Variants in AGBL1 observed in about 807,000 individuals in gnomAD.
AGBL1 encodes the protein cytosolic carboxypeptidase 4.
In AGBL1, 130 loss-of-function variants were observed where a neutral mutation model predicts 118.9. The ratio of observed to expected loss-of-function variants is 1.09; its 90% CI spans 0.95 to 1.26. The LOEUF (loss-of-function observed/expected upper bound fraction) is 1.26, where lower values mean the gene tolerates loss of function less well. Among genes scored for constraint, AGBL1 ranks in the 50% most tolerant of loss-of-function variants. AGBL1 has a pLI of 0.00. For missense variants in AGBL1, 1,584 were observed against 1,298.1 expected (o/e 1.22, Z -3.38); for synonymous variants, 555 against 478.9 (o/e 1.16, Z -2.08).
At chr15:86,975,682 T>A (rs1338910853) in intron 23 of AGBL1, among the ~76,000 whole-genome samples, 3 of 152,142 alleles carry the variant, frequency 2.0e-5, no homozygotes, top group Non-Finnish European at 4.4e-5. Flanking sequence ...CAAATGATGT[T>A]CCTTCTGTCT....
At chr15:86,451,424 T>C (rs1596131373) in intron 18 of AGBL1, among the ~76,000 whole-genome samples, 2 of 152,326 alleles carry the variant, frequency 1.3e-5, no homozygotes, top group East Asian at 3.9e-4. Context: ...ACTGAAATTG[T>C]GTTATAATTC....
At chr15:86,714,404 A>G (rs1481984815) in intron 22 of AGBL1, among the ~76,000 whole-genome samples, 1 of 152,212 alleles carries the variant, frequency 6.6e-6, no homozygotes, top group East Asian at 1.9e-4. Context: ...ATAAACTATC[A>G]GTGGGAAATT....
At chr15:86,801,310 C>CATCTATCTATCT (rs10629012) in intron 22 of AGBL1, among the ~76,000 whole-genome samples, 4,667 of 147,232 alleles carry the variant, frequency 0.032, 94 homozygotes, top group East Asian at 0.037. Flanking sequence ...TTGATGATTA[C>CATCTATCTATCT]ATCTATCTAT....
chr15:86,734,728 G>A (rs1394998709), intron 22 of AGBL1, among the ~76,000 whole-genome samples: 1 of 152,190 alleles, frequency 6.6e-6, no homozygotes, highest in Non-Finnish European at 1.5e-5. Flanking sequence ...CTCTTTCCAT[G>A]ATGAGGCCAG....
intron 1 of AGBL1, among the ~76,000 whole-genome samples, chr15:86,136,863 C>G (rs994292717): frequency 6.6e-6 from 1 of 152,150 alleles, no homozygotes; most frequent in Non-Finnish European, 1.5e-5. Flanking sequence ...AATTGCAGTT[C>G]AAAACCCCAC....
Position 86,957,190 on chromosome 15 carries a change from A to G in AGBL1, c.3222-30797A>G, listed in dbSNP as rs1439751505. ...ACACTGAAAAATAATCTATTTTTAT[A>G]TATTTTATTCAATATTTTAATACCT... On this transcript the variant is annotated intron_variant, in intron 23 of 24. Transcript: ENST00000441037. Among the ~76,000 whole-genome samples the G allele has an allele frequency of 2.6e-5, 4 of 152,256 alleles. No individual in the cohort carries two copies. The East Asian group carries it at 5.8e-4, about 22-fold the overall frequency.
At chr15:86,818,242 T>C (rs1297749009) in intron 22 of AGBL1, among the ~76,000 whole-genome samples, 1 of 152,176 alleles carries the variant, frequency 6.6e-6, no homozygotes, top group Non-Finnish European at 1.5e-5. Context: ...TTGTGATATT[T>C]GTTACGGCAG....
chr15:86,829,973 C>A (rs1286716802), intron 22 of AGBL1, among the ~76,000 whole-genome samples: 1 of 152,090 alleles, frequency 6.6e-6, no homozygotes, highest in African/African-American at 2.4e-5. Context: ...CACACACCCC[C>A]AGGAGGGTAT....
At chr15:86,465,770 T>A (rs995611245) in intron 18 of AGBL1, among the ~76,000 whole-genome samples, 1 of 152,190 alleles carries the variant, frequency 6.6e-6, no homozygotes, top group African/African-American at 2.4e-5. Flanking sequence ...TTGTTTCCTG[T>A]TAAGATGTTT....
At chr15:86,257,505 C>T (rs990721733) in intron 8 of AGBL1, among the ~76,000 whole-genome samples, 1 of 152,174 alleles carries the variant, frequency 6.6e-6, no homozygotes, top group East Asian at 1.9e-4. Flanking sequence ...TTTCTATAGG[C>T]ATAATTTTGC....
chr15:86,236,958 G>GGGT (rs1567146346), intron 6 of AGBL1, among the ~76,000 whole-genome samples: 1 of 124,622 alleles, frequency 8.0e-6, no homozygotes, highest in African/African-American at 3.2e-5. Context: ...GGGGCGGGGG[G>GGGT]GCGCCAAGTT....
At chr15:86,524,702 A>G (rs536309189) in intron 19 of AGBL1, among the ~76,000 whole-genome samples, 1 of 152,324 alleles carries the variant, frequency 6.6e-6, no homozygotes, top group Admixed American at 6.5e-5. Context: ...CCAAGTCCCA[A>G]GGTAAAGAAA....
chr15:87,013,970 C>G (rs974287880), intron 24 of AGBL1, among the ~76,000 whole-genome samples: 2 of 151,974 alleles, frequency 1.3e-5, no homozygotes, highest in Non-Finnish European at 2.9e-5. Context: ...AGTGTCAGAT[C>G]TCTAAAAAGC....
chr15:86,977,751 T>C (rs570168266), intron 23 of AGBL1, among the ~76,000 whole-genome samples: 1 of 152,180 alleles, frequency 6.6e-6, no homozygotes, highest in Non-Finnish European at 1.5e-5. Context: ...TGAATTTGCA[T>C]CCTACTTTTG....
intron 24 of AGBL1, among the ~76,000 whole-genome samples, chr15:87,021,295 A>C (rs1410004529): frequency 2.0e-5 from 3 of 152,200 alleles, no homozygotes; most frequent in Non-Finnish European, 4.4e-5. Flanking sequence ...CCATATGCAG[A>C]AAATTAAAAC....
chr15:86,852,485 T>C (rs2079421652), intron 22 of AGBL1, among the ~76,000 whole-genome samples: 1 of 152,186 alleles, frequency 6.6e-6, no homozygotes, highest in Non-Finnish European at 1.5e-5. Context: ...CATCCCCTGC[T>C]ATCTGGAAAC....
intron 22 of AGBL1, among the ~76,000 whole-genome samples, chr15:86,858,735 C>T (rs2079520573): frequency 6.6e-6 from 1 of 152,098 alleles, no homozygotes; most frequent in Non-Finnish European, 1.5e-5. Flanking sequence ...TTGGAAAGTG[C>T]TAACTGTCAT....
intron 24 of AGBL1, among the ~76,000 whole-genome samples, chr15:87,006,804 T>G (rs550155098): frequency 6.6e-6 from 1 of 152,252 alleles, no homozygotes; most frequent in African/African-American, 2.4e-5. Flanking sequence ...CTGTTGCTAT[T>G]CAGCCATCTT....
intron 17 of AGBL1, among the ~76,000 whole-genome samples, chr15:86,384,459 C>A (rs2081156156): frequency 1.3e-5 from 2 of 152,166 alleles, no homozygotes; most frequent in Admixed American, 1.3e-4. Flanking sequence ...CAAGTGACTG[C>A]CGTTTCTGTG....
Sources: gnomAD v4.1 joint callset for allele counts (sites outside exome capture counted in the v4.1 genomes callset) on GRCh38, gnomAD v4.1.1 for gene constraint, MANE v1.5 for transcripts, NCBI Gene and HGNC (gene_info 2026-07-23, HGNC 2026-07-21) for gene names.